Variants in BCAS3 observed in about 807,000 individuals in gnomAD.
BCAS3 encodes the protein BCAS3 microtubule associated cell migration factor, also known as BCAS4/BCAS3 fusion.
A neutral mutation model predicts 116.1 loss-of-function variants in BCAS3; 53 were observed. The ratio of observed to expected loss-of-function variants is 0.46; its 90% CI spans 0.37 to 0.57. BCAS3 has a LOEUF of 0.57. Among genes scored for constraint, BCAS3 ranks in the 20% least tolerant of loss-of-function variants. The pLI is 0.00. For missense variants in BCAS3, 917 were observed against 1,165.4 expected (o/e 0.79, Z 3.10); for synonymous variants, 391 against 408.2 (o/e 0.96, Z 0.51).
At chr17:61,027,507 TTCATG>T (rs1291948151) in intron 16 of BCAS3, 1 of 376,660 alleles carries the variant, frequency 2.7e-6, no homozygotes, top group Admixed American at 3.3e-5. Flanking sequence ...GGTAAATTCT[TTCATG>T]TCAGTGCACA....
At chr17:60,965,296 A>T (rs970694959) in intron 14 of BCAS3, among the ~76,000 whole-genome samples, 2 of 143,438 alleles carry the variant, frequency 1.4e-5, no homozygotes, top group African/African-American at 2.6e-5. Flanking sequence ...ATCTTGGCTC[A>T]CTGCAACCTC....
At chr17:60,835,105 C>T (rs7207865) in intron 7 of BCAS3, among the ~76,000 whole-genome samples, 7,045 of 151,528 alleles carry the variant, frequency 0.046, 515 homozygotes, top group African/African-American at 0.16. Context: ...CAGAAGAAAG[C>T]GATAAAATAG....
intron 22 of BCAS3, among the ~76,000 whole-genome samples, chr17:61,173,223 G>A (rs2078955774): frequency 6.6e-6 from 1 of 152,152 alleles, no homozygotes; most frequent in Admixed American, 6.5e-5. Flanking sequence ...GGCCAAGGCG[G>A]GAGGATCAGT....
intron 22 of BCAS3, among the ~76,000 whole-genome samples, chr17:61,304,366 C>T (rs765394110): frequency 1.4e-4 from 22 of 152,232 alleles, no homozygotes; most frequent in Non-Finnish European, 3.1e-4. Context: ...CAGGCTTCTG[C>T]CTGCCCCTGT....
chr17:60,726,229 C>G (rs920297777), intron 5 of BCAS3, among the ~76,000 whole-genome samples: 2 of 118,090 alleles, frequency 1.7e-5, no homozygotes, highest in Non-Finnish European at 3.5e-5. Context: ...GAGACAGAGT[C>G]TCACTCTGTT....
At chr17:61,050,452 G>C (rs556472742) in intron 19 of BCAS3, among the ~76,000 whole-genome samples, 1 of 151,858 alleles carries the variant, frequency 6.6e-6, no homozygotes, top group Non-Finnish European at 1.5e-5. Context: ...GGCCAGGGGG[G>C]TGGGAAATGG....
intron 14 of BCAS3, among the ~76,000 whole-genome samples, chr17:60,951,640 C>T (rs1172153443): frequency 6.6e-6 from 1 of 151,906 alleles, no homozygotes; most frequent in African/African-American, 2.4e-5. Context: ...CTTAACCTTA[C>T]TAATTTGAGT....
chr17:60,764,116 C>A (rs1245210969), intron 6 of BCAS3, among the ~76,000 whole-genome samples: 1 of 151,506 alleles, frequency 6.6e-6, no homozygotes, highest in Non-Finnish European at 1.5e-5. Context: ...GCTAGTCTAT[C>A]AATTTTGTTA....
chr17:60,908,712 A>C (rs2058324958), intron 11 of BCAS3, among the ~76,000 whole-genome samples: 1 of 152,204 alleles, frequency 6.6e-6, no homozygotes, highest in South Asian at 2.1e-4. Flanking sequence ...TTGAGTTTTT[A>C]GCACTAAACA....
chr17:60,820,709 A>G (rs947026816), intron 7 of BCAS3, among the ~76,000 whole-genome samples: 6 of 152,182 alleles, frequency 3.9e-5, no homozygotes, highest in Admixed American at 3.9e-4. Context: ...CCCTGATGGA[A>G]TGGGGGTATA....
chr17:61,360,068 G>A (rs769194776), intron 22 of BCAS3, among the ~76,000 whole-genome samples: 10 of 150,810 alleles, frequency 6.6e-5, no homozygotes, highest in Middle Eastern at 3.2e-3. Flanking sequence ...GTGCAGTGGC[G>A]CAGCCTCGGC....
At chr17:60,797,922 G>A (rs560468806) in intron 6 of BCAS3, among the ~76,000 whole-genome samples, 20 of 152,300 alleles carry the variant, frequency 1.3e-4, no homozygotes, top group African/African-American at 4.6e-4. Context: ...TGTGCCTGTA[G>A]TCCCAGCTAC....
At chr17:60,974,046 C>G (rs1051969140) in intron 14 of BCAS3, among the ~76,000 whole-genome samples, 8 of 152,150 alleles carry the variant, frequency 5.3e-5, no homozygotes, top group African/African-American at 1.9e-4. Context: ...ATCCCCCCTC[C>G]TACCCAAATA....
intron 20 of BCAS3, among the ~76,000 whole-genome samples, chr17:61,075,782 A>G (rs978340958): frequency 2.0e-5 from 3 of 152,228 alleles, no homozygotes; most frequent in African/African-American, 7.2e-5. Flanking sequence ...GAAATATAAC[A>G]TTCCACCCTG....
In BCAS3 at chr17:61,167,140, CTT is replaced by C. The variant is rs564786683; in HGVS notation, c.2425+82579_2425+82580del. Among the ~76,000 whole-genome samples, 505 of 152,220 alleles carry C rather than the reference CTT, an allele frequency of 3.3e-3. 1 individual carries two copies. Among genetic ancestry groups the C allele is most frequent in the Non-Finnish European group, 5.4e-3 (369 of 67,992 alleles). ...TTTAGCAGTGTGGGAGGTGAGAAAA[CTT>C]TTCCTTTCCTAATTCAAGGAGCCTT... On this transcript the variant is annotated intron_variant, in intron 22 of 23. Coordinates refer to ENST00000407086, the MANE Select transcript of BCAS3 (RefSeq NM_017679.5).
At chr17:60,881,221 A>C (rs999601919) in intron 9 of BCAS3, among the ~76,000 whole-genome samples, 2 of 151,684 alleles carry the variant, frequency 1.3e-5, no homozygotes, top group African/African-American at 4.8e-5. Flanking sequence ...TGATCCGCCC[A>C]CCTCGGCCTC....
intron 4 of BCAS3, among the ~76,000 whole-genome samples, chr17:60,704,344 A>G (rs879784800): frequency 2.0e-5 from 3 of 152,234 alleles, no homozygotes; most frequent in Admixed American, 6.5e-5. Flanking sequence ...GTGCAAATAC[A>G]GTCAAGTTTA....
At chr17:61,290,911 G>A (rs2052331585) in intron 22 of BCAS3, among the ~76,000 whole-genome samples, 1 of 152,088 alleles carries the variant, frequency 6.6e-6, no homozygotes, top group Non-Finnish European at 1.5e-5. Flanking sequence ...CTCCCAAGTA[G>A]CTGGGACTAC....
At chr17:60,977,116 C>A (rs540310172) in intron 14 of BCAS3, among the ~76,000 whole-genome samples, 3 of 152,042 alleles carry the variant, frequency 2.0e-5, no homozygotes, top group East Asian at 3.9e-4. Flanking sequence ...GGCTGCCCCC[C>A]ACCTCCCGGA....
Sources: allele counts gnomAD v4.1 joint callset (sites outside exome capture counted in the v4.1 genomes callset), GRCh38; gene constraint gnomAD v4.1.1; transcripts MANE v1.5; gene names NCBI Gene and HGNC (gene_info 2026-07-23, HGNC 2026-07-21).